The following PTPN9 variants were observed in gnomAD, a reference collection of about 807,000 sequenced individuals.
The protein encoded by PTPN9 is tyrosine-protein phosphatase non-receptor type 9.
A neutral mutation model predicts 69.8 loss-of-function variants in PTPN9; 26 were observed. That is an observed-to-expected ratio of 0.37 (90% CI 0.27 to 0.52). The LOEUF (loss-of-function observed/expected upper bound fraction) is 0.52, where lower values mean the gene tolerates loss of function less well. PTPN9 is among the 20% of genes least tolerant of loss of function. PTPN9 has a pLI of 0.91. For synonymous variants in PTPN9, 274 were observed against 272.5 expected, an observed-to-expected ratio of 1.01 and a Z score of -0.05; for missense variants, 549 against 740.3, an observed-to-expected ratio of 0.74 and a Z score of 3.00.
chr15:75,515,714 G>C (rs1375701886), intron 5 of PTPN9, among the ~76,000 whole-genome samples: 1 of 151,798 alleles, frequency 6.6e-6, no homozygotes, highest in Non-Finnish European at 1.5e-5. Context: ...CCTGGCCAAC[G>C]TGGAGAAACC....
At chr15:75,531,912 T>C (rs974219390) in intron 1 of PTPN9, among the ~76,000 whole-genome samples, 1 of 152,170 alleles carries the variant, frequency 6.6e-6, no homozygotes, top group Non-Finnish European at 1.5e-5. Flanking sequence ...TACAGTTCTC[T>C]AGTGGGCCTC....
At chr15:75,517,664 C>T (rs1387420243) in intron 4 of PTPN9, among the ~76,000 whole-genome samples, 1 of 152,182 alleles carries the variant, frequency 6.6e-6, no homozygotes, top group Admixed American at 6.5e-5. Flanking sequence ...CTACCCAAAT[C>T]ATATAACATA....
intron 10 of PTPN9, among the ~76,000 whole-genome samples, chr15:75,471,101 G>C (rs1311031789): frequency 1.3e-5 from 2 of 152,154 alleles, no homozygotes; most frequent in African/African-American, 4.8e-5. Flanking sequence ...GCAATAGTAC[G>C]TCTCACATAT....
chr15:75,535,684 A>G (rs1463185429), intron 1 of PTPN9, among the ~76,000 whole-genome samples: 1 of 152,182 alleles, frequency 6.6e-6, no homozygotes. Flanking sequence ...TTTCTCCATT[A>G]TTTCAGTGAT....
chr15:75,576,058 C>T (rs1348310173), intron 1 of PTPN9, among the ~76,000 whole-genome samples: 1 of 150,872 alleles, frequency 6.6e-6, no homozygotes, highest in Non-Finnish European at 1.5e-5. Context: ...GGTGAAACCC[C>T]GTCTCTAGTA....
intron 7 of PTPN9, among the ~76,000 whole-genome samples, chr15:75,502,142 AGAG>A (rs1265862062): frequency 2.0e-5 from 3 of 151,922 alleles, no homozygotes; most frequent in African/African-American, 7.3e-5. Flanking sequence ...GAAGAAAAGA[AGAG>A]AAGAGAAAAA....
intron 5 of PTPN9, among the ~76,000 whole-genome samples, chr15:75,516,449 G>T (rs1212713736): frequency 5.3e-5 from 8 of 150,190 alleles, no homozygotes; most frequent in Non-Finnish European, 7.4e-5. Context: ...GACTACAGGC[G>T]CCTGCCACCA....
chr15:75,566,317 T>C (rs1420597127), intron 1 of PTPN9, among the ~76,000 whole-genome samples: 1 of 152,214 alleles, frequency 6.6e-6, no homozygotes, highest in Non-Finnish European at 1.5e-5. Flanking sequence ...GATCTCAGCA[T>C]TTAATAGCAT....
chr15:75,476,575 A>C (rs1323958736), intron 9 of PTPN9, among the ~76,000 whole-genome samples: 1 of 152,164 alleles, frequency 6.6e-6, no homozygotes, highest in Non-Finnish European at 1.5e-5. Flanking sequence ...TTGGCCTCCC[A>C]AAGTGCTGGG....
intron 5 of PTPN9, among the ~76,000 whole-genome samples, chr15:75,513,850 G>A (rs558705601): frequency 1.3e-5 from 2 of 151,840 alleles, no homozygotes; most frequent in East Asian, 3.9e-4. Context: ...TTTAATCCTA[G>A]CACTCTGGGA....
intron 1 of PTPN9, among the ~76,000 whole-genome samples, chr15:75,538,730 C>T (rs532497965): frequency 6.6e-6 from 1 of 150,910 alleles, no homozygotes; most frequent in South Asian, 2.1e-4. Context: ...AATTCAGAAA[C>T]CACACAGTGT....
chr15:75,479,920 G>C lies in PTPN9; in HGVS notation c.1063-6C>G. On this transcript the variant is annotated splice_polypyrimidine_tract_variant and splice_region_variant and intron_variant, in intron 8 of 12. Coordinates refer to ENST00000618819, the MANE Select transcript of PTPN9 (RefSeq NM_002833.4). ...CTGGCATTGATGTAATCTGTCTAAT[G>C]ATAAAAAGGAGACATCACTATAGCT... is the stretch of plus-strand genomic sequence containing the variant. The C allele has an allele frequency of 2.5e-6, 4 of 1,590,150 alleles. No individual in the cohort carries two copies. The highest frequency in any genetic ancestry group is 3.4e-6 in the Non-Finnish European group (4 of 1,163,200).
intron 9 of PTPN9, among the ~76,000 whole-genome samples, chr15:75,478,428 C>T (rs2074609250): frequency 6.6e-6 from 1 of 152,070 alleles, no homozygotes; most frequent in Admixed American, 6.6e-5. Context: ...ATTTTTGAGA[C>T]AGGATCTTGC....
chr15:75,572,832 G>A (rs1475089154), intron 1 of PTPN9, among the ~76,000 whole-genome samples: 1 of 152,144 alleles, frequency 6.6e-6, no homozygotes, highest in East Asian at 1.9e-4. Context: ...GAAATGGAGA[G>A]TTGACAACTC....
rs1053698686 is a variant in PTPN9 at position 75,482,452 on chromosome 15, C to G, written c.1063-2538G>C. On this transcript the variant is annotated intron_variant, in intron 8 of 12. Transcript: ENST00000618819. Reference sequence around the variant, plus strand: ...TGGTGGCGGGCGCCTGTAGTCCCAGCTACTCGGGAGGCTGAGGCAGGAGAA... The same window carrying G: ...TGGTGGCGGGCGCCTGTAGTCCCAGGTACTCGGGAGGCTGAGGCAGGAGAA... Among the ~76,000 whole-genome samples the G allele has an allele frequency of 3.3e-4, 50 of 151,534 alleles. 1 individual carries two copies. The highest frequency in any genetic ancestry group is 1.1e-3 in the African/African-American group (47 of 41,308).
At chr15:75,532,996 A>G (rs11636199) in intron 1 of PTPN9, among the ~76,000 whole-genome samples, 53,716 of 152,092 alleles carry the variant, frequency 0.35, 10,835 homozygotes, top group African/African-American at 0.54. Context: ...TGAAATTCTC[A>G]AAATTAAAAC....
At chr15:75,555,778 TAC>T (rs1381671629) in intron 1 of PTPN9, among the ~76,000 whole-genome samples, 1 of 151,966 alleles carries the variant, frequency 6.6e-6, no homozygotes, top group Non-Finnish European at 1.5e-5. Flanking sequence ...GTAGTGGGAT[TAC>T]AGTTATAAGC....
intron 1 of PTPN9, among the ~76,000 whole-genome samples, chr15:75,551,353 A>T (rs1461695334): frequency 6.6e-6 from 1 of 151,992 alleles, no homozygotes; most frequent in African/African-American, 2.4e-5. Context: ...TGACTCTAAA[A>T]CCCACGCTCT....
At chr15:75,568,674 G>GAAA (rs112208881) in intron 1 of PTPN9, among the ~76,000 whole-genome samples, 2 of 138,972 alleles carry the variant, frequency 1.4e-5, no homozygotes, top group Non-Finnish European at 1.6e-5. Flanking sequence ...CATCTCTTTA[G>GAAA]AAAAAAAAAA....
Sources: allele counts gnomAD v4.1 joint callset (sites outside exome capture counted in the v4.1 genomes callset), GRCh38; gene constraint gnomAD v4.1.1; transcripts MANE v1.5; gene names NCBI Gene and HGNC (gene_info 2026-07-23, HGNC 2026-07-21).